CLCA2: variants seen among roughly 807,000 people sequenced by gnomAD.
CLCA2 encodes calcium-activated chloride channel regulator 2.
Under a neutral mutation model 82.9 loss-of-function variants are expected in CLCA2, and 85 were observed. The observed-to-expected ratio is 1.03, with a 90% confidence interval of 0.86 to 1.23. The LOEUF (loss-of-function observed/expected upper bound fraction) is 1.23, where lower values mean the gene tolerates loss of function less well. CLCA2 is among the 50% of genes most tolerant of loss of function. The pLI is 0.00. For synonymous variants in CLCA2, 421 were observed against 391.7 expected (o/e 1.07, Z -0.88); for missense variants, 1,089 against 1,124.8 (o/e 0.97, Z 0.45).
intron 6 of CLCA2, among the ~76,000 whole-genome samples, chr1:86,435,099 A>C (rs1443636926): frequency 1.3e-5 from 2 of 152,122 alleles, no homozygotes; most frequent in African/African-American, 4.8e-5. Flanking sequence ...CTTTTCTATC[A>C]GTTTTTAATT....
At chr1:86,428,614 T>C (rs368310087) in intron 3 of CLCA2, 46 bp downstream of exon 3, 22 of 1,586,140 alleles carry the variant, frequency 1.4e-5, no homozygotes, top group Non-Finnish European at 1.8e-5. Context: ...ATACTACTTA[T>C]AATATTCTGT....
intron 12 of CLCA2, among the ~76,000 whole-genome samples, chr1:86,452,616 T>C (rs549748284): frequency 3.3e-5 from 5 of 152,268 alleles, no homozygotes; most frequent in Admixed American, 6.5e-5. Flanking sequence ...GGGTTTGCTG[T>C]TCCCTCTACC....
At chr1:86,441,622 C>A in intron 9 of CLCA2, 79 bp downstream of exon 9, 1 of 902,034 alleles carries the variant, frequency 1.1e-6, no homozygotes, top group Non-Finnish European at 1.8e-6. Context: ...ACGAATTGTG[C>A]TACCTGCTTC....
At chr1:86,440,553 T>C (rs1662707915) in intron 8 of CLCA2, among the ~76,000 whole-genome samples, 1 of 152,184 alleles carries the variant, frequency 6.6e-6, no homozygotes, top group African/African-American at 2.4e-5. Flanking sequence ...TATAATTCTG[T>C]GTTAAGCCAG....
intron 11 of CLCA2, among the ~76,000 whole-genome samples, chr1:86,449,901 A>G (rs1662929022): frequency 6.6e-6 from 1 of 152,160 alleles, no homozygotes; most frequent in African/African-American, 2.4e-5. Flanking sequence ...GATCAATTTA[A>G]AAAGAAGGAA....
At chr1:86,450,490 C>T (rs1662938697) in intron 11 of CLCA2, 73 bp from the exon 12 acceptor site, 2 of 1,214,108 alleles carry the variant, frequency 1.6e-6, no homozygotes, top group African/African-American at 1.5e-5. Flanking sequence ...GAGTAAATCT[C>T]ATTTTTAATG....
At chr1:86,436,584 A>G (rs1461888999) in intron 6 of CLCA2, among the ~76,000 whole-genome samples, 3 of 152,220 alleles carry the variant, frequency 2.0e-5, no homozygotes, top group Non-Finnish European at 4.4e-5. Flanking sequence ...CTGTGGATCA[A>G]TAGTCCTGGA....
At chr1:86,444,473 C>G (rs989689387) in intron 10 of CLCA2, among the ~76,000 whole-genome samples, 3 of 151,846 alleles carry the variant, frequency 2.0e-5, no homozygotes, top group African/African-American at 7.3e-5. Context: ...TCAGAACATA[C>G]AAGAGGGTGG....
chr1:86,443,505 T>A (rs1344212583), intron 9 of CLCA2, among the ~76,000 whole-genome samples: 1 of 152,254 alleles, frequency 6.6e-6, no homozygotes. Flanking sequence ...AATGTTGGTT[T>A]GGATAAGAGA....
rs11799844 is a variant in CLCA2 at position 86,455,622 on chromosome 1, A to G, written c.*95A>G. The stretch of plus-strand genomic sequence containing the variant: ...AAAGTCAAATTAACATCAAAACTGT[A>G]TTAAAATGCATTGAGTTTTTGTACA... On this transcript the variant is annotated 3_prime_UTR_variant, in exon 14 of 14. Coordinates refer to ENST00000370565, the MANE Select transcript of CLCA2 (RefSeq NM_006536.7). 3.8e-3 allele frequency: 2,818 copies of G among 747,310 alleles called. 52 individuals carry two copies. In the African/African-American group the frequency reaches 0.045, roughly 12 times the overall value. The allele number at this position is 747,310 out of a possible 1,614,324, so 46.3% of individuals were successfully genotyped here. A position where few individuals can be genotyped will look rare whatever the true frequency, so the allele number is the denominator to read the frequency against.
rs746726168 is a variant in CLCA2, at chr1:86,447,577, T to G, written c.1783T>G (p.Ser595Ala). The G allele has an allele frequency of 3.7e-6, 6 of 1,614,114 alleles. 1 individual carries two copies. The South Asian group carries it at 6.6e-5, about 18-fold the overall frequency. ...GCAAGCCCTGAAAGTGACAGTGACCTCTCGCGCCTCCAACTCAGCTGTGCC... is the reference window on the plus strand; with the variant it reads ...GCAAGCCCTGAAAGTGACAGTGACCGCTCGCGCCTCCAACTCAGCTGTGCC... ...SLQALKVTVT[S>A]RASNSAVPPA... The change falls in exon 11 of 14, where the codon TCT becomes GCT. Residue 595 changes from serine (S) to alanine (A), a missense_variant. Coordinates refer to ENST00000370565, the MANE Select transcript of CLCA2 (RefSeq NM_006536.7).
rs189252155 is a variant in CLCA2, at chr1:86,442,901, T to C, written c.1489-886T>C. The stretch of plus-strand genomic sequence containing the variant: ...AAAATGTGGATAACAATAGTATTTA[T>C]CACAGAGGATTTTTATAAGGATCAA... On this transcript the variant is annotated intron_variant, in intron 9 of 13. Transcript: ENST00000370565. 5.3e-5 allele frequency among the ~76,000 whole-genome samples: 8 copies of C among 152,350 alleles called. No homozygotes were observed. The East Asian group carries it at 1.5e-3, about 29-fold the overall frequency.
chr1:86,448,959 C>T (rs557061250), intron 11 of CLCA2, among the ~76,000 whole-genome samples: 1 of 152,220 alleles, frequency 6.6e-6, no homozygotes, highest in East Asian at 1.9e-4. Context: ...TAGGGAATAT[C>T]GTCTGATTCA....
intron 5 of CLCA2, 119 bp from the exon 6 acceptor site, chr1:86,434,399 A>G (rs1662557940): frequency 1.3e-6 from 1 of 751,000 alleles, no homozygotes; most frequent in African/African-American, 1.8e-5. Flanking sequence ...TCACTGTACC[A>G]CTTTTGATTT....
At chr1:86,441,734 C>T (rs987677225) in intron 9 of CLCA2, among the ~76,000 whole-genome samples, 191 bp downstream of exon 9, 8 of 152,224 alleles carry the variant, frequency 5.3e-5, no homozygotes, top group Admixed American at 3.3e-4. Context: ...CCATTTACCA[C>T]AATTGCCACC....
chr1:86,443,935 G>A lies in CLCA2; in HGVS notation c.1637G>A (p.Arg546Gln), dbSNP rs200382367. ...PEIILFDPDG[R>Q]KYYTNNFITN... ...ATTATATTATTTGATCCTGATGGAC[G>A]AAAATACTACACAAATAATTTTATC... The change falls in exon 10 of 14, where the codon CGA becomes CAA. Residue 546 changes from arginine (R) to glutamine (Q), a missense_variant. Arg to Gln is a conservative substitution (Grantham distance 43, BLOSUM62 1). Transcript: ENST00000370565. The A allele has an allele frequency of 3.2e-5, 51 of 1,613,424 alleles. 1 individual carries two copies. The highest frequency in any genetic ancestry group is 7.7e-5 in the South Asian group (7 of 91,048).
intron 2 of CLCA2, 81 bp downstream of exon 2, chr1:86,425,557 GAAGTT>G: frequency 8.4e-7 from 1 of 1,197,058 alleles, no homozygotes; most frequent in Non-Finnish European, 1.1e-6. Context: ...ATAAAAGTGA[GAAGTT>G]AAGTAAAAAC....
At chr1:86,429,878 A>G (rs767093343) in intron 3 of CLCA2, among the ~76,000 whole-genome samples, 3 of 152,184 alleles carry the variant, frequency 2.0e-5, no homozygotes, top group Non-Finnish European at 4.4e-5. Context: ...AGAAAAACGT[A>G]GTTTTTTTTC....
chr1:86,424,387 T>G lies in CLCA2; in HGVS notation c.140T>G (p.Ile47Ser), dbSNP rs1467101412. The G allele has an allele frequency of 1.2e-6, 2 of 1,612,562 alleles. No homozygotes were observed. The highest frequency in any genetic ancestry group is 1.7e-6 in the Non-Finnish European group (2 of 1,179,496). ...DNGYNGLLIA[I>S]NPQVPENQNL... ...GGGTATAATGGATTGCTCATTGCAATTAATCCTCAGGTACCTGAGAATCAG... is the reference window on the plus strand; with the variant it reads ...GGGTATAATGGATTGCTCATTGCAAGTAATCCTCAGGTACCTGAGAATCAG... Residue 47 changes from isoleucine to serine, a missense_variant, in exon 1 of 14, where the codon ATT becomes AGT. Transcript: ENST00000370565.
Sources: allele counts gnomAD v4.1 joint callset (sites outside exome capture counted in the v4.1 genomes callset), GRCh38; gene constraint gnomAD v4.1.1; transcripts MANE v1.5; gene names NCBI Gene and HGNC (gene_info 2026-07-23, HGNC 2026-07-21).